Variants in MDGA2 observed in about 807,000 individuals in gnomAD.
MDGA2 encodes the protein MAM domain-containing glycosylphosphatidylinositol anchor protein 2.
In MDGA2, 40 loss-of-function variants were observed where a neutral mutation model predicts 117.8. The ratio of observed to expected loss-of-function variants is 0.34; its 90% CI spans 0.26 to 0.44. MDGA2 has a LOEUF of 0.44. Among genes scored for constraint, MDGA2 ranks in the 20% least tolerant of loss-of-function variants. The pLI is 1.00. For missense variants in MDGA2, 1,123 were observed against 1,250.6 expected (o/e 0.90, Z 1.54); for synonymous variants, 452 against 439.0 (o/e 1.03, Z -0.37).
chr14:47,180,746 C>A (rs1884667673), intron 3 of MDGA2, among the ~76,000 whole-genome samples: 1 of 152,066 alleles, frequency 6.6e-6, no homozygotes, highest in South Asian at 2.1e-4. Flanking sequence ...CATAGTGAAA[C>A]CCCGTCTCTA....
intron 8 of MDGA2, among the ~76,000 whole-genome samples, chr14:47,023,667 A>G (rs946304090): frequency 6.6e-6 from 1 of 152,210 alleles, no homozygotes; most frequent in Admixed American, 6.6e-5. Flanking sequence ...GAGGAGAGGA[A>G]TCTTTTTGGT....
At chr14:47,571,493 TG>T (rs1835706003) in intron 1 of MDGA2, among the ~76,000 whole-genome samples, 1 of 152,188 alleles carries the variant, frequency 6.6e-6, no homozygotes, top group South Asian at 2.1e-4. Context: ...AGCAAAGACT[TG>T]GGACCAACCC....
chr14:47,171,912 A>T (rs949974652), intron 3 of MDGA2, among the ~76,000 whole-genome samples: 1 of 152,190 alleles, frequency 6.6e-6, no homozygotes, highest in African/African-American at 2.4e-5. Flanking sequence ...GGGTGACAGT[A>T]GGCACCTGGA....
intron 1 of MDGA2, among the ~76,000 whole-genome samples, chr14:47,386,469 C>T (rs574927050): frequency 2.0e-5 from 3 of 152,186 alleles, no homozygotes; most frequent in South Asian, 2.1e-4. Context: ...TCCTCAAAGA[C>T]GTGAACATGG....
rs146270191 is a variant in MDGA2, at chr14:46,882,339, G to A, written c.2239-118C>T. On this transcript the variant is annotated intron_variant, in intron 10 of 16. Coordinates refer to ENST00000399232, the MANE Select transcript of MDGA2 (RefSeq NM_001113498.3). ...AAAAAGTACGTATATTAATGAATAC[G>A]TATTATTAAAGTTCAAGTTTCTATA... is the stretch of plus-strand genomic sequence containing the variant. 2.2e-3 allele frequency: 1,711 copies of A among 785,578 alleles called. 8 individuals carry two copies. The highest frequency in any genetic ancestry group is 3.0e-3 in the Admixed American group (91 of 29,936). 48.7% of individuals were successfully genotyped at this position (785,578 alleles called of 1,614,324 possible).
intron 1 of MDGA2, among the ~76,000 whole-genome samples, chr14:47,462,375 C>CAAAAAA (rs373508880): frequency 5.2e-5 from 5 of 96,006 alleles, no homozygotes; most frequent in Non-Finnish European, 6.4e-5. Flanking sequence ...GACTCCGTCC[C>CAAAAAA]AAAAAAAAAA....
intron 14 of MDGA2, among the ~76,000 whole-genome samples, chr14:46,869,061 G>A (rs890335770): frequency 6.6e-6 from 1 of 151,622 alleles, no homozygotes; most frequent in Non-Finnish European, 1.5e-5. Flanking sequence ...CTTAAAATAA[G>A]CCCTTCTACA....
intron 2 of MDGA2, among the ~76,000 whole-genome samples, chr14:47,255,312 A>G (rs79227837): frequency 0.028 from 4,262 of 152,274 alleles, 144 homozygotes; most frequent in East Asian, 0.18. Context: ...TGACTAGACA[A>G]ACAACCCTCC....
rs754175521 is a variant in MDGA2 at position 47,049,863 on chromosome 14, G to A, written c.1525+11386C>T. 6.6e-5 allele frequency among the ~76,000 whole-genome samples: 10 copies of A among 151,718 alleles called. No homozygotes were observed. In the South Asian group the frequency reaches 1.9e-3, roughly 28 times the overall value. The stretch of plus-strand genomic sequence containing the variant: ...TCTTTACCCATCATATACTTGGAGA[G>A]GATTCCACTGTTCTCAACTCTTTCC... On this transcript the variant is annotated intron_variant, in intron 7 of 16. Coordinates refer to ENST00000399232, the MANE Select transcript of MDGA2 (RefSeq NM_001113498.3).
At chr14:47,670,160 A>G (rs1218981257) in intron 1 of MDGA2, among the ~76,000 whole-genome samples, 1 of 152,182 alleles carries the variant, frequency 6.6e-6, no homozygotes, top group African/African-American at 2.4e-5. Context: ...CTAATTTGTC[A>G]TACTCAAGTG....
intron 1 of MDGA2, among the ~76,000 whole-genome samples, chr14:47,442,910 C>T (rs954653446): frequency 6.6e-6 from 1 of 151,992 alleles, no homozygotes; most frequent in Non-Finnish European, 1.5e-5. Context: ...CTTTGTTCGG[C>T]GTACCCATGT....
intron 10 of MDGA2, among the ~76,000 whole-genome samples, chr14:46,915,597 C>T (rs1421135338): frequency 6.6e-6 from 1 of 151,938 alleles, no homozygotes; most frequent in Non-Finnish European, 1.5e-5. Context: ...TGAAGAAAGC[C>T]CATATTCTAA....
chr14:46,939,615 C>G (rs377196667), intron 9 of MDGA2, among the ~76,000 whole-genome samples: 1 of 152,156 alleles, frequency 6.6e-6, no homozygotes, highest in East Asian at 1.9e-4. Context: ...CTCTCCCAGA[C>G]AGAACAAAAT....
chr14:47,611,700 A>G (rs1896851718), intron 1 of MDGA2, among the ~76,000 whole-genome samples: 1 of 152,130 alleles, frequency 6.6e-6, no homozygotes. Context: ...AAAAATAAAA[A>G]AACAGTAGGC....
intron 1 of MDGA2, among the ~76,000 whole-genome samples, chr14:47,532,897 T>C (rs932204983): frequency 6.6e-6 from 1 of 152,222 alleles, no homozygotes; most frequent in Non-Finnish European, 1.5e-5. Flanking sequence ...CTGTTCTTCC[T>C]TCCTTGGAAT....
chr14:47,597,903 T>C (rs1413672068), intron 1 of MDGA2, among the ~76,000 whole-genome samples: 1 of 148,278 alleles, frequency 6.7e-6, no homozygotes, highest in East Asian at 2.0e-4. Context: ...AGTCTGGACT[T>C]GCCACTTCTA....
intron 2 of MDGA2, among the ~76,000 whole-genome samples, chr14:47,220,237 A>G (rs895719894): frequency 6.6e-6 from 1 of 152,206 alleles, no homozygotes; most frequent in African/African-American, 2.4e-5. Flanking sequence ...TGAGAAAAGA[A>G]ACCTCCATAC....
intron 3 of MDGA2, among the ~76,000 whole-genome samples, chr14:47,148,557 T>C (rs924890332): frequency 1.3e-5 from 2 of 152,188 alleles, no homozygotes; most frequent in African/African-American, 4.8e-5. Flanking sequence ...ATGTGCCCAC[T>C]CCAGAATACT....
chr14:47,069,776 G>C (rs1890213019), intron 6 of MDGA2, among the ~76,000 whole-genome samples: 2 of 152,148 alleles, frequency 1.3e-5, no homozygotes, highest in African/African-American at 2.4e-5. Flanking sequence ...CAATTTAAAA[G>C]AAAAATGTGT....
Sources: gnomAD v4.1 joint callset for allele counts (sites outside exome capture counted in the v4.1 genomes callset) on GRCh38, gnomAD v4.1.1 for gene constraint, MANE v1.5 for transcripts, NCBI Gene and HGNC (gene_info 2026-07-23, HGNC 2026-07-21) for gene names.